Variants in OGDHL observed in about 807,000 individuals in gnomAD.
OGDHL encodes the protein oxoglutarate dehydrogenase L, also known as 2-oxoglutarate dehydrogenase-like, mitochondrial.
Under a neutral mutation model 109.6 loss-of-function variants are expected in OGDHL, and 79 were observed. That is an observed-to-expected ratio of 0.72 (90% CI 0.60 to 0.87). The LOEUF (loss-of-function observed/expected upper bound fraction) is 0.87, where lower values mean the gene tolerates loss of function less well. Ranked by LOEUF, OGDHL falls within the 40% of genes least tolerant of loss-of-function variation. The pLI is 0.00. For synonymous variants in OGDHL, 528 were observed against 537.2 expected, an observed-to-expected ratio of 0.98 and a Z score of 0.24; for missense variants, 1,275 against 1,362.2, an observed-to-expected ratio of 0.94 and a Z score of 1.01.
intron 8 of OGDHL, among the ~76,000 whole-genome samples, chr10:49,747,603 A>G (rs1258173): frequency 0.67 from 101,417 of 152,138 alleles, 34,237 homozygotes; most frequent in East Asian, 0.93. Flanking sequence ...AGCAATGAGG[A>G]ACACACAACA....
At chr10:49,737,716 G>C in intron 20 of OGDHL, 70 bp downstream of exon 20, 1 of 1,554,038 alleles carries the variant, frequency 6.4e-7, no homozygotes, top group Admixed American at 1.7e-5. Flanking sequence ...AGAAGCCCCA[G>C]AAGCAGAAGC....
At chr10:49,748,721 T>C (rs1842369454) in intron 8 of OGDHL, among the ~76,000 whole-genome samples, 1 of 144,656 alleles carries the variant, frequency 6.9e-6, no homozygotes, top group Non-Finnish European at 1.5e-5. Flanking sequence ...AGACCTGGGA[T>C]AGGAGCCAGT....
rs749585568 is a variant in OGDHL, at chr10:49,744,021, G to T, written c.1834C>A (p.Pro612Thr). The T allele has an allele frequency of 1.9e-6, 3 of 1,613,334 alleles. No homozygotes were observed. The highest frequency in any genetic ancestry group is 2.2e-5 in the East Asian group (1 of 44,810). Residue 612 changes from proline (P) to threonine (T), a missense_variant, in exon 14 of 23, where the codon CCC becomes ACC. Pro to Thr is a conservative substitution (Grantham distance 38). Transcript: ENST00000374103. ...GTGTGGATCTTAAAGTCCTCCAGGG[G>T]CACAGAGCTGGCCACACTGCCGATG... The part of the protein sequence containing the change: ...THIGSVASSV[P>T]LEDFKIHTGL...
intron 3 of OGDHL, among the ~76,000 whole-genome samples, chr10:49,755,289 A>G (rs778151911): frequency 7.9e-5 from 12 of 152,224 alleles, no homozygotes; most frequent in Non-Finnish European, 1.5e-4. Context: ...CACAAATGTC[A>G]ACTGCATATT....
rs555550803 is a variant in OGDHL, at chr10:49,744,538, A to G, written c.1732+112T>C. On this transcript the variant is annotated intron_variant, in intron 13 of 22. Coordinates refer to ENST00000374103, the MANE Select transcript of OGDHL (RefSeq NM_018245.3). ...TTGGGGACTCAGTGATAGAGCCTGCAGCCTCTAGACTAGGCAATGACAGCT... is the reference window on the plus strand; with the variant it reads ...TTGGGGACTCAGTGATAGAGCCTGCGGCCTCTAGACTAGGCAATGACAGCT... 29 of 808,674 alleles carry G rather than the reference A, an allele frequency of 3.6e-5. No homozygotes were observed. The South Asian group carries it at 3.9e-4, about 11-fold the overall frequency. The allele number at this position is 808,674 out of a possible 1,614,324, so 50.1% of individuals were successfully genotyped here.
At chr10:49,754,273 GT>G (rs1476205979) in intron 3 of OGDHL, among the ~76,000 whole-genome samples, 2 of 152,172 alleles carry the variant, frequency 1.3e-5, no homozygotes, top group African/African-American at 4.8e-5. Flanking sequence ...ATAAGGACAA[GT>G]TTTGAGCAAC....
chr10:49,760,752 G>T (rs1197336950), intron 1 of OGDHL, among the ~76,000 whole-genome samples: 1 of 152,232 alleles, frequency 6.6e-6, no homozygotes, highest in Non-Finnish European at 1.5e-5. Flanking sequence ...TGGCTAATCT[G>T]GTGAGTGACA....
intron 5 of OGDHL, 71 bp from the exon 6 acceptor site, chr10:49,752,052 A>C (rs1212276221): frequency 1.9e-6 from 3 of 1,608,986 alleles, no homozygotes; most frequent in Admixed American, 1.7e-5. Context: ...TGTCTAGAAC[A>C]AAAAAGACAG....
intron 1 of OGDHL, among the ~76,000 whole-genome samples, chr10:49,761,813 TA>T (rs1324594520): frequency 1.3e-5 from 2 of 152,192 alleles, no homozygotes; most frequent in Non-Finnish European, 2.9e-5. Context: ...TAAAACCGTC[TA>T]TTAGGCTCCT....
chr10:49,756,654 G>A (rs1842933235), intron 3 of OGDHL, 122 bp downstream of exon 3: 2 of 982,718 alleles, frequency 2.0e-6, no homozygotes, highest in African/African-American at 1.6e-5. Context: ...CCGCTCAGTA[G>A]AGGACAAGGA....
chr10:49,741,815 CACAT>C (rs1187542575), intron 15 of OGDHL, among the ~76,000 whole-genome samples: 9 of 145,062 alleles, frequency 6.2e-5, no homozygotes, highest in African/African-American at 1.0e-4. Flanking sequence ...ACACACCACA[CACAT>C]ATACACCACA....
intron 3 of OGDHL, among the ~76,000 whole-genome samples, chr10:49,754,200 TG>T (rs1356431054): frequency 6.6e-6 from 1 of 152,226 alleles, no homozygotes; most frequent in African/African-American, 2.4e-5. Flanking sequence ...ATGTACAAGC[TG>T]AGCTTGAAGC....
Position 49,761,428 on chromosome 10 carries a change from C to A in OGDHL, c.-2+811G>T, listed in dbSNP as rs376378829. On this transcript the variant is annotated intron_variant, in intron 1 of 22. Transcript: ENST00000374103. ...GTAAACAGAGGCCGGGAAGGGTTCT[C>A]CCCAGAGGGCCCTCCAAGCTGGGCA... is the stretch of plus-strand genomic sequence containing the variant. 2.4e-4 allele frequency among the ~76,000 whole-genome samples: 36 copies of A among 152,230 alleles called. 1 individual carries two copies. Among genetic ancestry groups the A allele is most frequent in the African/African-American group, 7.7e-4 (32 of 41,458 alleles).
chr10:49,760,229 C>T (rs1048472488), intron 1 of OGDHL, among the ~76,000 whole-genome samples: 4 of 152,218 alleles, frequency 2.6e-5, no homozygotes, highest in African/African-American at 9.6e-5. Flanking sequence ...CCTCTGAGTG[C>T]CCCCAAGTTT....
Position 49,746,737 on chromosome 10 carries a change from C to T in OGDHL, c.1296+13G>A, listed in dbSNP as rs1169240199. ...TGACGCTGTGAGGCCCAGCGTGGAGCCTACATGCTCACCTGGTTGTTGACG... is the reference window on the plus strand; with the variant it reads ...TGACGCTGTGAGGCCCAGCGTGGAGTCTACATGCTCACCTGGTTGTTGACG... On this transcript the variant is annotated intron_variant, in intron 10 of 22. Coordinates refer to ENST00000374103, the MANE Select transcript of OGDHL (RefSeq NM_018245.3). The T allele has an allele frequency of 2.5e-6, 4 of 1,613,664 alleles. No individual in the cohort carries two copies. The Admixed American group carries it at 6.7e-5, about 27-fold the overall frequency.
Position 49,750,329 on chromosome 10 carries a change from C to T in OGDHL, c.896+510G>A, listed in dbSNP as rs185357595. On this transcript the variant is annotated intron_variant, in intron 7 of 22. Transcript: ENST00000374103. ...TCCCCCTCCTGCTTCCCCACAGGCT[C>T]CAGCTCAGAGGTAACGCCCCACTGC... 3.5e-3 allele frequency among the ~76,000 whole-genome samples: 535 copies of T among 152,282 alleles called. 8 individuals carry two copies. The highest frequency in any genetic ancestry group is 0.012 in the African/African-American group (514 of 41,562).
intron 14 of OGDHL, chr10:49,743,730 G>T: frequency 3.0e-6 from 1 of 330,686 alleles, no homozygotes; most frequent in Non-Finnish European, 5.5e-6. Context: ...AAAGGCATTT[G>T]GAAAATCCAA....
chr10:49,741,825 CCA>C (rs1841688930), intron 15 of OGDHL, among the ~76,000 whole-genome samples: 2 of 146,182 alleles, frequency 1.4e-5, no homozygotes, highest in Admixed American at 6.9e-5. Flanking sequence ...CACATATACA[CCA>C]CACACATCCA....
At chr10:49,751,800 C>A (rs752332288) in intron 6 of OGDHL, 27 bp downstream of exon 6, 2 of 1,609,652 alleles carry the variant, frequency 1.2e-6, no homozygotes, top group Non-Finnish European at 1.7e-6. Context: ...GGACCTCCAG[C>A]CACTTGGCCC....
Sources: gnomAD v4.1 joint callset for allele counts (sites outside exome capture counted in the v4.1 genomes callset) on GRCh38, gnomAD v4.1.1 for gene constraint, MANE v1.5 for transcripts, NCBI Gene and HGNC (gene_info 2026-07-23, HGNC 2026-07-21) for gene names.